The following CUL4B variants were observed in gnomAD, a reference collection of about 807,000 sequenced individuals.
CUL4B encodes cullin-4B.
In CUL4B, 1 loss-of-function variant was observed where a neutral mutation model predicts 69.2. The observed-to-expected ratio is 0.01, with a 90% CI of 0.01 to 0.07. The LOEUF (loss-of-function observed/expected upper bound fraction) is 0.07. Among genes scored for constraint, CUL4B ranks in the 10% least tolerant of loss-of-function variants. The pLI is 1.00. For missense variants in CUL4B, 328 were observed against 638.8 expected (o/e 0.51, Z 5.24); for synonymous variants, 237 against 223.2 (o/e 1.06, Z -0.55).
chrX:120,549,879 C>T (rs190071845), intron 2 of CUL4B, among the ~76,000 whole-genome samples: 289 of 112,075 alleles, frequency 2.6e-3, no homozygotes, highest in Non-Finnish European at 4.6e-3. Context: ...TTTCTTATCG[C>T]TTTGCTTAGA....
intron 8 of CUL4B, 64 bp from the exon 9 acceptor site, chrX:120,543,097 T>C: frequency 1.4e-6 from 1 of 706,184 alleles, no homozygotes; most frequent in South Asian, 2.4e-5. Flanking sequence ...GTAAAGCCTC[T>C]CCTGAGGGGG....
chrX:120,541,697 T>C lies in CUL4B; in HGVS notation c.1348A>G (p.Asn450Asp). The change falls in exon 10 of 20, where the codon AAC (asparagine) becomes GAC (aspartate). Residue 450 changes from asparagine to aspartate, a missense_variant. Physicochemically the swap from Asn to Asp is conservative, Grantham distance 23. Transcript: ENST00000371322. Reference protein sequence around the residue: ...QKGLNNLLDENRIQDLSLLYQ... With the variant: ...QKGLNNLLDEDRIQDLSLLYQ... ...AGAAGAGACAAATCTTGAATTCGGTTTTCATCAAGGAGGTTATTTAAACCT... is the reference window on the plus strand; with the variant it reads ...AGAAGAGACAAATCTTGAATTCGGTCTTCATCAAGGAGGTTATTTAAACCT... 8.4e-7 allele frequency: 1 copy of C among 1,196,102 alleles called. No individual in the cohort carries two copies. Among genetic ancestry groups the C allele is most frequent in the Non-Finnish European group, 1.1e-6 (1 of 881,403 alleles).
chrX:120,535,578 C>T (rs939012129), intron 16 of CUL4B, among the ~76,000 whole-genome samples: 14 of 107,711 alleles, frequency 1.3e-4, no homozygotes, highest in African/African-American at 3.7e-4. Flanking sequence ...TGGTGGCGCA[C>T]GCCTGTAGTC....
At chrX:120,544,891 T>A (rs1924220535) in intron 5 of CUL4B, among the ~76,000 whole-genome samples, 1 of 112,767 alleles carries the variant, frequency 8.9e-6, no homozygotes. Context: ...CTAAGTTTTG[T>A]TGTATTATTT....
chrX:120,532,857 A>G (rs907124741), intron 17 of CUL4B, among the ~76,000 whole-genome samples: 3 of 111,461 alleles, frequency 2.7e-5, no homozygotes, highest in Non-Finnish European at 3.8e-5. Flanking sequence ...TTGGCCTCCC[A>G]AAGTGCTGGG....
chrX:120,549,527 T>C (rs1389989350), intron 2 of CUL4B, among the ~76,000 whole-genome samples: 1 of 111,315 alleles, frequency 9.0e-6, no homozygotes, highest in Non-Finnish European at 1.9e-5. Context: ...CAGGCAACAG[T>C]GTGAGACTCT....
chrX:120,534,568 C>T lies in CUL4B; in HGVS notation c.2179G>A (p.Val727Ile). The T allele has an allele frequency of 8.4e-7, 1 of 1,195,860 alleles. No homozygotes were observed. Among genetic ancestry groups the T allele is most frequent in the Non-Finnish European group, 1.1e-6 (1 of 881,507 alleles). Residue 727 changes from valine (V) to isoleucine (I), a missense_variant, in exon 17 of 20, where the codon GTC becomes ATC. Coordinates refer to ENST00000371322, the MANE Select transcript of CUL4B (RefSeq NM_001079872.2). ...EFKEGKKELQ[V>I]SLFQTLVLLM... Reference sequence around the variant, plus strand: ...AGCACCAGTGTTTGAAAAAGAGAGACCTGGAGTTCCTTTTTACCCTGTTGA... The same window carrying T: ...AGCACCAGTGTTTGAAAAAGAGAGATCTGGAGTTCCTTTTTACCCTGTTGA...
chrX:120,554,689 T>C (rs2096957615), intron 2 of CUL4B, among the ~76,000 whole-genome samples: 1 of 112,324 alleles, frequency 8.9e-6, no homozygotes, highest in Non-Finnish European at 1.9e-5. Flanking sequence ...TAAGCAGATA[T>C]ATGCCAGTAA....
Position 120,525,288 on chromosome X carries a change from A to C in CUL4B, c.*1473T>G, listed in dbSNP as rs1031885242. ...TCAGGTTGAAGATTAGGACATAGGT[A>C]ATCTTCCTAACGGCTCCAACAGGCA... is the stretch of plus-strand genomic sequence containing the variant. On this transcript the variant is annotated 3_prime_UTR_variant, in exon 20 of 20. Transcript: ENST00000371322. 1 of 111,751 alleles carries C rather than the reference A, an allele frequency of 8.9e-6. No individual in the cohort carries two copies. The highest frequency in any genetic ancestry group is 3.2e-5 in the African/African-American group (1 of 30,775). The allele number at this position is 111,751 out of a possible 1,213,427, so 9.2% of individuals were successfully genotyped here. A position where few individuals can be genotyped will look rare whatever the true frequency, so the allele number is the denominator to read the frequency against.
At chrX:120,559,717 C>T in intron 1 of CUL4B, 1 of 921,718 alleles carries the variant, frequency 1.1e-6, no homozygotes, top group South Asian at 2.2e-5. Context: ...AAAATCCCAG[C>T]AATGCCAAGG....
chrX:120,525,494 C>G lies in CUL4B; in HGVS notation c.*1267G>C, dbSNP rs1420240791. 1 of 111,758 alleles carries G rather than the reference C, an allele frequency of 8.9e-6. No homozygotes were observed. Among genetic ancestry groups the G allele is most frequent in the Non-Finnish European group, 1.9e-5 (1 of 53,139 alleles). The allele number at this position is 111,758 out of a possible 1,213,427, so 9.2% of individuals were successfully genotyped here. ...TTGCTTGAATTATCAATTCGAAAAACAGTACTTTTGCCATTTTGTATATAT... is the reference window on the plus strand; with the variant it reads ...TTGCTTGAATTATCAATTCGAAAAAGAGTACTTTTGCCATTTTGTATATAT... On this transcript the variant is annotated 3_prime_UTR_variant, in exon 20 of 20. Transcript: ENST00000371322.
chrX:120,573,261 G>A (rs762867830), intron 2 of CUL4B, among the ~76,000 whole-genome samples: 16 of 110,609 alleles, frequency 1.4e-4, no homozygotes, highest in Non-Finnish European at 2.6e-4. Context: ...ATATATTAGA[G>A]ATCTGTCCAT....
intron 11 of CUL4B, among the ~76,000 whole-genome samples, chrX:120,539,882 C>A (rs1411821322): frequency 8.9e-6 from 1 of 111,771 alleles, no homozygotes; most frequent in African/African-American, 3.2e-5. Flanking sequence ...GGCAGAGGAC[C>A]CTAGACCTTC....
chrX:120,567,237 C>G (rs1362962316), downstream of CUL4B, among the ~76,000 whole-genome samples: 1 of 107,414 alleles, frequency 9.3e-6, no homozygotes, highest in Non-Finnish European at 1.9e-5. Context: ...GATTCTCCTG[C>G]CTTGGCCTCC....
chrX:120,526,186 T>A lies in CUL4B; in HGVS notation c.*575A>T, dbSNP rs1922957109. On this transcript the variant is annotated 3_prime_UTR_variant, in exon 20 of 20. Coordinates refer to ENST00000371322, the MANE Select transcript of CUL4B (RefSeq NM_001079872.2). ...ACTTGAAAACTTGTTTCCAAATAAT[T>A]TTTTTTAAAAAACATCCCTTTCAGT... 1 of 112,561 alleles carries A rather than the reference T, an allele frequency of 8.9e-6. No individual in the cohort carries two copies. Among genetic ancestry groups the A allele is most frequent in the African/African-American group, 3.2e-5 (1 of 30,782 alleles). The allele number at this position is 112,561 out of a possible 1,213,427, so 9.3% of individuals were successfully genotyped here.
Position 120,545,359 on chromosome X carries a change from A to G in CUL4B, c.920+85T>C, listed in dbSNP as rs914846147. On this transcript the variant is annotated intron_variant, in intron 5 of 19. Transcript: ENST00000371322. ...AAATGTGAATTTTTAGAATATTCAC[A>G]GTATAGCTTATACACTTTCATTAGT... The G allele has an allele frequency of 4.2e-5, 28 of 664,544 alleles. No homozygotes were observed. The African/African-American group carries it at 5.9e-4, about 14-fold the overall frequency. The allele number at this position is 664,544 out of a possible 1,213,427, so 54.8% of individuals were successfully genotyped here. A position where few individuals can be genotyped will look rare whatever the true frequency, so the allele number is the denominator to read the frequency against.
Position 120,544,463 on chromosome X carries a change from G to C in CUL4B, c.1083+18C>G. 8.3e-7 allele frequency: 1 copy of C among 1,206,217 alleles called. No individual in the cohort carries two copies. Among genetic ancestry groups the C allele is most frequent in the Non-Finnish European group, 1.1e-6 (1 of 890,661 alleles). On this transcript the variant is annotated intron_variant, in intron 6 of 19. Coordinates refer to ENST00000371322, the MANE Select transcript of CUL4B (RefSeq NM_001079872.2). ...GATAGCAATCAGCTCTGTATAGTAG[G>C]TGTAGTAGTTAACTTACTTGCAAAT...
intron 17 of CUL4B, 70 bp downstream of exon 17, chrX:120,534,411 A>G (rs1923525936): frequency 1.3e-6 from 1 of 743,817 alleles, no homozygotes; most frequent in Non-Finnish European, 2.1e-6. Context: ...AATTATTCCT[A>G]TAAATATGTC....
intron 7 of CUL4B, 77 bp from the exon 8 acceptor site, chrX:120,543,886 G>T: frequency 1.3e-6 from 1 of 764,354 alleles, no homozygotes. Context: ...AAAGATCCTG[G>T]AAGTGGCCCT....
Sources: gnomAD v4.1 joint callset for allele counts (sites outside exome capture counted in the v4.1 genomes callset) on GRCh38, gnomAD v4.1.1 for gene constraint, MANE v1.5 for transcripts, NCBI Gene and HGNC (gene_info 2026-07-23, HGNC 2026-07-21) for gene names.